The following ARHGEF10 variants were observed in gnomAD, a reference collection of about 807,000 sequenced individuals.
ARHGEF10 encodes Rho guanine nucleotide exchange factor (GEF) 10.
Under a neutral mutation model 147.4 loss-of-function variants are expected in ARHGEF10, and 140 were observed. That is an observed-to-expected ratio of 0.95 (90% CI 0.83 to 1.09). ARHGEF10 has a LOEUF of 1.09. ARHGEF10 is among the 50% of genes least tolerant of loss of function. The probability of loss-of-function intolerance (pLI) is 0.00; values close to 1 mark genes in which losing one functional copy is unlikely to be tolerated. For missense variants in ARHGEF10, 2,222 were observed against 1,752.7 expected (o/e 1.27, Z -4.78); for synonymous variants, 902 against 695.8 (o/e 1.30, Z -4.67).
intron 26 of ARHGEF10, 101 bp from the exon 27 acceptor site, chr8:1,945,380 C>T (rs1814481612): frequency 7.2e-7 from 1 of 1,396,760 alleles, no homozygotes; most frequent in Non-Finnish European, 9.9e-7. Flanking sequence ...TACTGTGTTG[C>T]AGCCACTGAA....
intron 4 of ARHGEF10, among the ~76,000 whole-genome samples, chr8:1,862,666 C>G (rs1281449965): frequency 3.9e-5 from 6 of 152,228 alleles, no homozygotes; most frequent in African/African-American, 1.4e-4. Flanking sequence ...ACATTTCTCA[C>G]CGTGCAGCGA....
chr8:1,892,283 G>C (rs1809597325), intron 11 of ARHGEF10, among the ~76,000 whole-genome samples: 1 of 96,350 alleles, frequency 1.0e-5, no homozygotes, highest in African/African-American at 3.5e-5. Context: ...GGCTCTGTGT[G>C]TGTGTGTGTG....
At chr8:1,825,708 GA>G (rs1350473688) in intron 1 of ARHGEF10, among the ~76,000 whole-genome samples, 1 of 152,134 alleles carries the variant, frequency 6.6e-6, no homozygotes, top group African/African-American at 2.4e-5. Flanking sequence ...GGCAGCAGTA[GA>G]CGAACTTGCT....
In ARHGEF10 at chr8:1,909,370, C is replaced by A. The variant is rs537649967; in HGVS notation, c.2043C>A (p.Asp681Glu). The change falls in exon 18 of 29, where the codon GAC (aspartate) becomes GAA (glutamate). Residue 681 changes from aspartate (D) to glutamate (E), a missense_variant. By Grantham distance (45) the Asp-to-Glu change is conservative. Coordinates refer to ENST00000349830, the MANE Select transcript of ARHGEF10 (RefSeq NM_014629.4). ...LKWSVPLGHVDAIEYGSSAGT... is the reference protein window; with the variant it reads ...LKWSVPLGHVEAIEYGSSAGT... ...GGAGCGTTCCACTGGGACATGTGGA[C>A]GCCATCGAGTATGGCAGCAGCGCAG... 1 of 1,614,216 alleles carries A rather than the reference C, an allele frequency of 6.2e-7. No homozygotes were observed. Among genetic ancestry groups the A allele is most frequent in the African/African-American group, 1.3e-5 (1 of 75,062 alleles).
chr8:1,922,731 CCTG>C (rs1467507874), intron 18 of ARHGEF10, among the ~76,000 whole-genome samples: 2 of 152,146 alleles, frequency 1.3e-5, no homozygotes, highest in African/African-American at 4.8e-5. Flanking sequence ...GGAAGCCAGG[CCTG>C]GGCATTCAGG....
At chr8:1,846,703 A>G (rs1406882502) in intron 2 of ARHGEF10, among the ~76,000 whole-genome samples, 1 of 151,982 alleles carries the variant, frequency 6.6e-6, no homozygotes, top group Admixed American at 6.6e-5. Flanking sequence ...CAGTCTCCTG[A>G]GTAGCTGGGA....
rs138710067 is a variant in ARHGEF10 at position 1,957,117 on chromosome 8, C to T, written c.3889C>T (p.Arg1297Trp). The stretch of plus-strand genomic sequence containing the variant: ...TGTCTCGCTGAGAAGCAAAGCACGC[C>T]GGGCCAAGAAAGCCAAGGCCAGCTC... Reference protein sequence around the residue: ...DPVSLRSKARRAKKAKASSAL... With the variant: ...DPVSLRSKARWAKKAKASSAL... The change falls in exon 29 of 29, where the codon CGG (arginine) becomes TGG (tryptophan). Residue 1297 changes from arginine to tryptophan, a missense_variant. Coordinates refer to ENST00000349830, the MANE Select transcript of ARHGEF10 (RefSeq NM_014629.4). The T allele has an allele frequency of 2.2e-5, 35 of 1,612,990 alleles. No individual in the cohort carries two copies. The highest frequency in any genetic ancestry group is 7.7e-5 in the South Asian group (7 of 91,090).
chr8:1,881,067 G>A (rs1257451891), intron 9 of ARHGEF10, among the ~76,000 whole-genome samples: 2 of 152,212 alleles, frequency 1.3e-5, no homozygotes, highest in Non-Finnish European at 2.9e-5. Context: ...TGGGAGGGGT[G>A]TGTGAGCTAC....
At chr8:1,905,090 C>T (rs1810777399) in intron 16 of ARHGEF10, among the ~76,000 whole-genome samples, 1 of 152,166 alleles carries the variant, frequency 6.6e-6, no homozygotes, top group Admixed American at 6.5e-5. Context: ...GATTGTGCGG[C>T]TGCACTCCAG....
chr8:1,878,195 T>G (rs201525632), intron 8 of ARHGEF10, among the ~76,000 whole-genome samples: 1 of 38,536 alleles, frequency 2.6e-5, no homozygotes, highest in Non-Finnish European at 4.8e-5. Context: ...GTTTTTCGGG[T>G]TTTTTTTTTC....
At position 1,864,166 on chromosome 8, in the gene ARHGEF10, C is replaced by G. The variant is rs74979550; in HGVS notation, c.482-207C>G. ...GTTTATTTCTGGCTGTTTCACAAGC[C>G]CTCAGTAGATCACATTTTATTAGAT... On this transcript the variant is annotated intron_variant, in intron 4 of 28. Coordinates refer to ENST00000349830, the MANE Select transcript of ARHGEF10 (RefSeq NM_014629.4). 0.025 allele frequency among the ~76,000 whole-genome samples: 3,811 copies of G among 152,150 alleles called. 138 individuals carry two copies. Among genetic ancestry groups the G allele is most frequent in the African/African-American group, 0.079 (3,286 of 41,480 alleles).
At chr8:1,927,727 A>AACATAGTGAAACCCCGTCTGTACTTTC (rs1390273900) in intron 23 of ARHGEF10, among the ~76,000 whole-genome samples, 2 of 152,184 alleles carry the variant, frequency 1.3e-5, no homozygotes, top group African/African-American at 4.8e-5. Flanking sequence ...AGCCTGGCCA[A>AACATAGTGAAACCCCGTCTGTACTTTC]ACATAGTGAA....
chr8:1,946,542 C>T (rs771189261), intron 27 of ARHGEF10, among the ~76,000 whole-genome samples: 4 of 152,304 alleles, frequency 2.6e-5, no homozygotes, highest in South Asian at 2.1e-4. Flanking sequence ...GGGGTCTCCT[C>T]CGCTTCCTAT....
At chr8:1,930,925 C>T (rs1368238380) in intron 25 of ARHGEF10, among the ~76,000 whole-genome samples, 1 of 152,240 alleles carries the variant, frequency 6.6e-6, no homozygotes, top group Admixed American at 6.5e-5. Context: ...GGCTCCTTGG[C>T]GGGCCTCTGG....
rs762886958 is a variant in ARHGEF10, at chr8:1,933,914, T to C, written c.3194T>C (p.Ile1065Thr). 9 of 1,614,112 alleles carry C rather than the reference T, an allele frequency of 5.6e-6. No individual in the cohort carries two copies. In the African/African-American group the frequency reaches 1.1e-4, roughly 19 times the overall value. The change falls in exon 26 of 29, where the codon ATC (isoleucine) becomes ACC (threonine). Residue 1065 changes from isoleucine (I) to threonine (T), a missense_variant. Ile to Thr is a moderately conservative substitution (Grantham distance 89). Coordinates refer to ENST00000349830, the MANE Select transcript of ARHGEF10 (RefSeq NM_014629.4). ...LWAASGGQVF[I>T]ISVETHAVEG... is the part of the protein sequence containing the mutation. ...GCGGCTTCCGGAGGTCAAGTCTTCA[T>C]CATCAGTGTGGAGACTCATGCTGTA...
intron 1 of ARHGEF10, among the ~76,000 whole-genome samples, chr8:1,842,723 C>T (rs1207533869): frequency 2.6e-5 from 4 of 152,236 alleles, no homozygotes; most frequent in Non-Finnish European, 4.4e-5. Flanking sequence ...CACGAGTCAC[C>T]AGGAACTGGC....
At chr8:1,870,828 A>G (rs764275675) in intron 7 of ARHGEF10, 2 of 152,088 alleles carry the variant, frequency 1.3e-5, no homozygotes, top group Non-Finnish European at 2.9e-5. Context: ...AAATCAGTAA[A>G]CCGGCCAGGC....
At chr8:1,885,491 A>T in intron 10 of ARHGEF10, 110 bp from the exon 11 acceptor site, 2 of 759,710 alleles carry the variant, frequency 2.6e-6, no homozygotes, top group Admixed American at 4.4e-5. Flanking sequence ...TAAGCATGGA[A>T]AATTGAAAGG....
chr8:1,846,238 C>G (rs146452643), intron 2 of ARHGEF10, among the ~76,000 whole-genome samples: 1 of 152,378 alleles, frequency 6.6e-6, no homozygotes, highest in Non-Finnish European at 1.5e-5. Flanking sequence ...GCCACATGAC[C>G]TTGGTCTTTG....
Sources: gnomAD v4.1 joint callset for allele counts (sites outside exome capture counted in the v4.1 genomes callset) on GRCh38, gnomAD v4.1.1 for gene constraint, MANE v1.5 for transcripts, NCBI Gene and HGNC (gene_info 2026-07-23, HGNC 2026-07-21) for gene names.